Variants in SLC25A23 observed in about 807,000 individuals in gnomAD.
The protein encoded by SLC25A23 is solute carrier family 25 member 23.
In SLC25A23, 32 loss-of-function variants were observed where a neutral mutation model predicts 53.9. That is an observed-to-expected ratio of 0.59 (90% CI 0.45 to 0.80). SLC25A23 has a LOEUF of 0.80. Ranked by LOEUF, SLC25A23 falls within the 30% of genes least tolerant of loss-of-function variation. SLC25A23 has a pLI of 0.00. For synonymous variants in SLC25A23, 275 were observed against 264.5 expected (o/e 1.04, Z -0.38); for missense variants, 575 against 651.4 (o/e 0.88, Z 1.28).
intron 9 of SLC25A23, among the ~76,000 whole-genome samples, chr19:6,443,224 C>A (rs182284149): frequency 0.011 from 1,634 of 152,156 alleles, 20 homozygotes; most frequent in South Asian, 0.037. Flanking sequence ...CAGGCGTGAG[C>A]CACTACCCCT....
chr19:6,442,317 C>T (rs2092434625), intron 9 of SLC25A23, among the ~76,000 whole-genome samples, 158 bp from the exon 10 acceptor site: 1 of 152,154 alleles, frequency 6.6e-6, no homozygotes, highest in South Asian at 2.1e-4. Context: ...CTTGTATTGA[C>T]CTTGGAACTG....
At chr19:6,452,192 A>AT (rs1339475457) in intron 8 of SLC25A23, 120 bp downstream of exon 8, 2 of 1,409,508 alleles carry the variant, frequency 1.4e-6, no homozygotes, top group Non-Finnish European at 1.9e-6. Flanking sequence ...TCCTCACCTC[A>AT]TAACTGCCTT....
At chr19:6,458,094 C>T (rs982654285) in intron 2 of SLC25A23, 104 bp downstream of exon 2, 1 of 1,410,120 alleles carries the variant, frequency 7.1e-7, no homozygotes, top group Non-Finnish European at 9.5e-7. Context: ...GAGAAGCGGC[C>T]CTCCCCCTCT....
chr19:6,447,662 G>C (rs1000292697), intron 8 of SLC25A23, among the ~76,000 whole-genome samples: 8 of 150,172 alleles, frequency 5.3e-5, no homozygotes, highest in African/African-American at 1.5e-4. Flanking sequence ...GTGCCACCAG[G>C]CTTGGCTAAT....
Position 6,441,382 on chromosome 19 carries a change from G to C in SLC25A23, c.*593C>G, listed in dbSNP as rs575155504. On this transcript the variant is annotated 3_prime_UTR_variant, in exon 10 of 10. Transcript: ENST00000301454. ...GGAGATCCAGGGCTCGAGGCATGGG[G>C]ATCTGGGGTTGGGGATCTAGGATCC... is the stretch of plus-strand genomic sequence containing the variant. 1.9e-5 allele frequency: 3 copies of C among 154,412 alleles called. No homozygotes were observed. Among genetic ancestry groups the C allele is most frequent in the African/African-American group, 4.8e-5 (2 of 41,414 alleles). The allele number at this position is 154,412 out of a possible 1,614,324, so 9.6% of individuals were successfully genotyped here.
In SLC25A23 at chr19:6,456,531, G is replaced by A; in HGVS notation, c.372C>T (p.Ser124=). Residue 124 remains serine, a splice_region_variant and synonymous_variant, in exon 4 of 10, where the codon AGC becomes AGT. Coordinates refer to ENST00000301454, the MANE Select transcript of SLC25A23 (RefSeq NM_024103.3). ...SLEQAEKILH[S]MDRDGTMTID... is the part of the protein sequence containing the mutation. ...TGGTCATTGTGCCGTCTCGGTCCAT[G>A]CTGGGGGGAAGAAAGGGGGTGGAGG... 1.2e-6 allele frequency: 2 copies of A among 1,611,174 alleles called. No individual in the cohort carries two copies. The highest frequency in any genetic ancestry group is 1.1e-5 in the South Asian group (1 of 91,022).
chr19:6,445,050 C>T (rs1379984247), intron 8 of SLC25A23, among the ~76,000 whole-genome samples: 1 of 151,978 alleles, frequency 6.6e-6, no homozygotes, highest in East Asian at 1.9e-4. Context: ...CGATCCTTCC[C>T]CCTCGGCCTC....
intron 8 of SLC25A23, among the ~76,000 whole-genome samples, chr19:6,451,830 CTT>C (rs1222647154): frequency 6.4e-5 from 8 of 124,208 alleles, no homozygotes; most frequent in South Asian, 2.5e-4. Flanking sequence ...CTTTGCCTGC[CTT>C]TTTTTTTTTT....
intron 9 of SLC25A23, among the ~76,000 whole-genome samples, chr19:6,443,258 C>A (rs137936296): frequency 1.3e-3 from 196 of 151,736 alleles, no homozygotes; most frequent in African/African-American, 4.6e-3. Flanking sequence ...TTTTTTGAGA[C>A]AGGGTCTCAC....
Position 6,452,447 on chromosome 19 carries a change from C to T in SLC25A23, c.936G>A (p.Thr312=), listed in dbSNP as rs745948644. ...VLKTRLTLRR[T]GQYKGLLDCA... is the part of the protein sequence containing the mutation. Reference sequence around the variant, plus strand: ...AGTCCAGCAGCCCCTTATACTGGCCCGTCCGGCGCAAGGTCAGCCGCGTCT... The same window carrying T: ...AGTCCAGCAGCCCCTTATACTGGCCTGTCCGGCGCAAGGTCAGCCGCGTCT... Residue 312 remains threonine (T), a synonymous_variant, in exon 8 of 10, where the codon ACG becomes ACA. Coordinates refer to ENST00000301454, the MANE Select transcript of SLC25A23 (RefSeq NM_024103.3). 25 of 1,611,124 alleles carry T rather than the reference C, an allele frequency of 1.6e-5. No individual in the cohort carries two copies. In the South Asian group the frequency reaches 1.7e-4, roughly 11 times the overall value.
chr19:6,459,765 G>C lies in SLC25A23; in HGVS notation c.-137C>G. The C allele has an allele frequency of 4.3e-6, 3 of 699,504 alleles. No homozygotes were observed. Among genetic ancestry groups the C allele is most frequent in the Non-Finnish European group, 5.8e-6 (3 of 516,616 alleles). The allele number at this position is 699,504 out of a possible 1,614,324, so 43.3% of individuals were successfully genotyped here. A position where few individuals can be genotyped will look rare whatever the true frequency, so the allele number is the denominator to read the frequency against. On this transcript the variant is annotated 5_prime_UTR_variant, in exon 1 of 10. Coordinates refer to ENST00000301454, the MANE Select transcript of SLC25A23 (RefSeq NM_024103.3). The surrounding 1 kb of genome is among the most constrained non-coding windows in gnomAD (Gnocchi z 4.6). The stretch of plus-strand genomic sequence containing the variant: ...TCCGCAGCCTCCGCGCAGTCCGCTC[G>C]GCTCTGGCACTTGCGGGAGGTGGTG...
At chr19:6,442,707 C>T (rs2092440546) in intron 9 of SLC25A23, among the ~76,000 whole-genome samples, 1 of 152,150 alleles carries the variant, frequency 6.6e-6, no homozygotes, top group African/African-American at 2.4e-5. Flanking sequence ...CGCCACCTTG[C>T]CCGGCTAATT....
rs773919182 is a variant in SLC25A23, at chr19:6,454,340, A to G, written c.778T>C (p.Phe260Leu). The G allele has an allele frequency of 6.2e-7, 1 of 1,613,988 alleles. No homozygotes were observed. Among genetic ancestry groups the G allele is most frequent in the Non-Finnish European group, 8.5e-7 (1 of 1,179,942 alleles). ...LKIAPESAIKFMAYEQIKRAI... is the reference protein window; with the variant it reads ...LKIAPESAIKLMAYEQIKRAI... Reference sequence around the variant, plus strand: ...GCCCTCACCTGTTCATAGGCCATGAACTTGATAGCTGACTCGGGGGCAATC... The same window carrying G: ...GCCCTCACCTGTTCATAGGCCATGAGCTTGATAGCTGACTCGGGGGCAATC... The change falls in exon 6 of 10, where the codon TTC becomes CTC. Residue 260 changes from phenylalanine (F) to leucine (L), a missense_variant. By Grantham distance (22) the Phe-to-Leu change is conservative. Coordinates refer to ENST00000301454, the MANE Select transcript of SLC25A23 (RefSeq NM_024103.3). This position sits in a 1 kb window ranked among gnomAD's most constrained non-coding sequence, Gnocchi z 4.3.
At chr19:6,457,473 A>G (rs755073045) in intron 3 of SLC25A23, 30 bp downstream of exon 3, 4 of 1,595,776 alleles carry the variant, frequency 2.5e-6, no homozygotes, top group Non-Finnish European at 3.4e-6. Flanking sequence ...GTCCTGAGTT[A>G]CTTTGGATTC....
rs185375372 is a variant in SLC25A23, at chr19:6,452,402, C to G, written c.981G>C (p.Glu327Asp). 2.1e-5 allele frequency: 34 copies of G among 1,613,916 alleles called. No homozygotes were observed. Among genetic ancestry groups the G allele is most frequent in the Non-Finnish European group, 2.7e-5 (32 of 1,179,944 alleles). ...GGTAGAAGGCACGGGGCCCCTCCCT[C>G]TCCAGGATACGCCTGGCGCAGTCCA... ...GLLDCARRIL[E>D]REGPRAFYRG... Residue 327 changes from glutamate (E) to aspartate (D), a missense_variant, in exon 8 of 10, where the codon GAG becomes GAC. Physicochemically the swap from Glu to Asp is conservative, Grantham distance 45 (BLOSUM62 2). Coordinates refer to ENST00000301454, the MANE Select transcript of SLC25A23 (RefSeq NM_024103.3).
intron 8 of SLC25A23, among the ~76,000 whole-genome samples, chr19:6,450,800 C>G (rs1168918118): frequency 1.3e-5 from 2 of 152,092 alleles, no homozygotes; most frequent in Non-Finnish European, 2.9e-5. Context: ...AAATTATTGG[C>G]CAGGTGTGGT....
At chr19:6,439,399 T>TCACACACACACA (rs57370920), downstream of SLC25A23, among the ~76,000 whole-genome samples, 9 of 124,106 alleles carry the variant, frequency 7.3e-5, no homozygotes, top group South Asian at 5.4e-4. Context: ...TCTCTCTCTC[T>TCACACACACACA]CACACACACA....
downstream of SLC25A23, among the ~76,000 whole-genome samples, chr19:6,436,697 C>T (rs1037841829): frequency 2.1e-4 from 32 of 151,138 alleles, no homozygotes; most frequent in Non-Finnish European, 4.1e-4. Flanking sequence ...TTATAGGTGC[C>T]CGCCACCACG....
intron 8 of SLC25A23, among the ~76,000 whole-genome samples, chr19:6,451,343 C>T (rs929707365): frequency 1.3e-5 from 2 of 152,096 alleles, no homozygotes; most frequent in African/African-American, 4.8e-5. Context: ...GAGCCGAGAT[C>T]GCGCCATTGC....
Sources: gnomAD v4.1 joint callset for allele counts (sites outside exome capture counted in the v4.1 genomes callset) on GRCh38, gnomAD v4.1.1 for gene constraint, Gnocchi (gnomAD v3.1) non-coding constraint, MANE v1.5 for transcripts, NCBI Gene and HGNC (gene_info 2026-07-23, HGNC 2026-07-21) for gene names.